The following TENM2 variants were observed in gnomAD, a reference collection of about 807,000 sequenced individuals.
The protein encoded by TENM2 is teneurin-2.
TENM2 carries 52 observed loss-of-function variants against 245.2 expected under a neutral mutation model. The observed-to-expected ratio is 0.21, with a 90% confidence interval of 0.17 to 0.27. The LOEUF (loss-of-function observed/expected upper bound fraction) is 0.27. TENM2 is among the 10% of genes least tolerant of loss of function. TENM2 has a pLI of 1.00. For synonymous variants in TENM2, 1,363 were observed against 1,438.9 expected, an observed-to-expected ratio of 0.95 and a Z score of 1.19; for missense variants, 3,046 against 3,666.8, an observed-to-expected ratio of 0.83 and a Z score of 4.37.
At chr5:167,577,264 G>A (rs1221895022) in intron 2 of TENM2, among the ~76,000 whole-genome samples, 3 of 152,192 alleles carry the variant, frequency 2.0e-5, no homozygotes, top group Non-Finnish European at 4.4e-5. Context: ...AGAGGGGGAC[G>A]TAGGGTATTA....
chr5:167,591,073 A>G (rs1409928366), intron 2 of TENM2, among the ~76,000 whole-genome samples: 2 of 152,228 alleles, frequency 1.3e-5, no homozygotes, highest in Non-Finnish European at 2.9e-5. Flanking sequence ...CTAAGCAAGC[A>G]AGAGAGTTCT....
At chr5:168,155,554 G>C (rs892712864) in intron 12 of TENM2, among the ~76,000 whole-genome samples, 2 of 152,104 alleles carry the variant, frequency 1.3e-5, no homozygotes, top group African/African-American at 4.8e-5. Flanking sequence ...GTCCAATGTG[G>C]TATTGCTGGA....
At chr5:167,589,590 G>T (rs1373732251) in intron 2 of TENM2, among the ~76,000 whole-genome samples, 1 of 151,848 alleles carries the variant, frequency 6.6e-6, no homozygotes, top group Non-Finnish European at 1.5e-5. Flanking sequence ...AAGTAGAATT[G>T]CTCTTTCAGA....
At chr5:167,950,966 T>G (rs916290995) in intron 3 of TENM2, among the ~76,000 whole-genome samples, 2 of 152,238 alleles carry the variant, frequency 1.3e-5, no homozygotes, top group Non-Finnish European at 2.9e-5. Flanking sequence ...ACTGTCCTTT[T>G]CTAAACATCA....
At chr5:168,117,007 A>C (rs1028334066) in intron 9 of TENM2, among the ~76,000 whole-genome samples, 1 of 152,338 alleles carries the variant, frequency 6.6e-6, no homozygotes, top group East Asian at 1.9e-4. Flanking sequence ...ATTTGAAGGC[A>C]GGTTGGAAAG....
In TENM2 at chr5:167,566,596, G is replaced by A. The variant is rs565367087; in HGVS notation, c.502+191123G>A. On this transcript the variant is annotated intron_variant, in intron 2 of 28. Coordinates refer to ENST00000518659, the Ensembl canonical transcript of TENM2. ...GGTTCCTGTAAAAATAAAACCTGTA[G>A]CAGTGAATGCGTTTTTCTGATGAAT... is the stretch of plus-strand genomic sequence containing the variant. Among the ~76,000 whole-genome samples the A allele has an allele frequency of 4.0e-3, 607 of 152,302 alleles. 1 individual carries two copies. The highest frequency in any genetic ancestry group is 0.014 in the African/African-American group (566 of 41,568).
the TENM2 span, among the ~76,000 whole-genome samples, chr5:167,273,182 T>A: frequency 6.6e-6 from 1 of 152,124 alleles, no homozygotes; most frequent in Non-Finnish European, 1.5e-5. Flanking sequence ...TCTGTTTTGC[T>A]AAAGTGATGG....
intron 2 of TENM2, among the ~76,000 whole-genome samples, chr5:167,664,832 T>A (rs968206447): frequency 1.1e-4 from 16 of 152,200 alleles, no homozygotes; most frequent in Non-Finnish European, 1.9e-4. Flanking sequence ...AAAGGGGGCA[T>A]CCCTAACTGG....
the TENM2 span, among the ~76,000 whole-genome samples, chr5:167,100,401 G>A: frequency 2.6e-5 from 4 of 152,186 alleles, no homozygotes; most frequent in Admixed American, 1.3e-4. Flanking sequence ...GCGCTCACTG[G>A]CCGCTGTCTT....
chr5:167,204,343 T>C, the TENM2 span, among the ~76,000 whole-genome samples: 1 of 152,072 alleles, frequency 6.6e-6, no homozygotes, highest in African/African-American at 2.4e-5. Context: ...TCCAAGCTGT[T>C]TGGAATGAGA....
At chr5:167,337,074 G>T (rs1184674348) in intron 1 of TENM2, among the ~76,000 whole-genome samples, 2 of 133,902 alleles carry the variant, frequency 1.5e-5, no homozygotes, top group Admixed American at 8.5e-5. Context: ...CCGAGATTGC[G>T]CCACTGCAGT....
the TENM2 span, among the ~76,000 whole-genome samples, chr5:167,153,047 T>C: frequency 1.3e-5 from 2 of 151,950 alleles, no homozygotes; most frequent in African/African-American, 2.4e-5. Context: ...TATACTACTT[T>C]GAGGTTTTAT....
At chr5:168,027,941 T>C (rs987483201) in intron 5 of TENM2, among the ~76,000 whole-genome samples, 2 of 152,198 alleles carry the variant, frequency 1.3e-5, no homozygotes, top group Admixed American at 1.3e-4. Flanking sequence ...GTAATAAACT[T>C]CCTTCCAGAA....
At chr5:167,471,751 G>A (rs1767044399) in intron 2 of TENM2, among the ~76,000 whole-genome samples, 1 of 152,180 alleles carries the variant, frequency 6.6e-6, no homozygotes, top group Non-Finnish European at 1.5e-5. Flanking sequence ...CAGAAGTATG[G>A]TATCTACATC....
chr5:167,618,514 A>C (rs970541375), intron 2 of TENM2, among the ~76,000 whole-genome samples: 1 of 152,116 alleles, frequency 6.6e-6, no homozygotes, highest in African/African-American at 2.4e-5. Context: ...GAGTGACTCT[A>C]ATGTGCAGAC....
intron 3 of TENM2, among the ~76,000 whole-genome samples, chr5:167,939,858 T>C (rs1339299642): frequency 6.6e-6 from 1 of 152,204 alleles, no homozygotes; most frequent in African/African-American, 2.4e-5. Flanking sequence ...TTAGCAAAGA[T>C]TCTTTGATAC....
intron 2 of TENM2, among the ~76,000 whole-genome samples, chr5:167,870,464 C>T (rs1772708369): frequency 1.3e-5 from 2 of 151,726 alleles, no homozygotes; most frequent in Admixed American, 6.6e-5. Context: ...AAAGTCAGTT[C>T]AACTAAGCCT....
chr5:167,546,421 G>C (rs1187571224), intron 2 of TENM2, among the ~76,000 whole-genome samples: 1 of 152,172 alleles, frequency 6.6e-6, no homozygotes, highest in African/African-American at 2.4e-5. Flanking sequence ...ACTTTATGCT[G>C]CTGAGCTTTC....
chr5:168,086,222 G>T (rs913244581), intron 7 of TENM2, among the ~76,000 whole-genome samples: 1 of 152,128 alleles, frequency 6.6e-6, no homozygotes, highest in African/African-American at 2.4e-5. Context: ...CCGCTCCACG[G>T]TCTAGGCTCT....
Sources: allele counts gnomAD v4.1 joint callset (sites outside exome capture counted in the v4.1 genomes callset), GRCh38; gene constraint gnomAD v4.1.1; transcripts MANE v1.5; gene names NCBI Gene and HGNC (gene_info 2026-07-23, HGNC 2026-07-21).